GPBP1: variants seen among roughly 807,000 people sequenced by gnomAD.
The protein encoded by GPBP1 is vasculin.
In GPBP1, 13 loss-of-function variants were observed where a neutral mutation model predicts 56.5. That is an observed-to-expected ratio of 0.23 (90% CI 0.15 to 0.37). The LOEUF is 0.37. Ranked by LOEUF, GPBP1 falls within the 10% of genes least tolerant of loss-of-function variation. GPBP1 has a pLI of 1.00. For synonymous variants in GPBP1, 204 were observed against 188.9 expected (o/e 1.08, Z -0.66); for missense variants, 477 against 572.3 (o/e 0.83, Z 1.70).
At chr5:57,188,060 T>A (rs1466669996) in intron 2 of GPBP1, among the ~76,000 whole-genome samples, 1 of 151,800 alleles carries the variant, frequency 6.6e-6, no homozygotes, top group Non-Finnish European at 1.5e-5. Flanking sequence ...CTGGTCAACA[T>A]AGTGAAACCC....
intron 2 of GPBP1, among the ~76,000 whole-genome samples, chr5:57,208,759 C>T (rs375937710): frequency 3.3e-5 from 5 of 150,310 alleles, no homozygotes; most frequent in East Asian, 2.0e-4. Flanking sequence ...TGGGTTCAAG[C>T]GATTCTCCTA....
At chr5:57,188,076 C>G (rs1383342444) in intron 2 of GPBP1, among the ~76,000 whole-genome samples, 3 of 151,834 alleles carry the variant, frequency 2.0e-5, no homozygotes, top group Non-Finnish European at 4.4e-5. Context: ...AACCCCATCT[C>G]TACCAAAAAA....
At chr5:57,249,385 C>T (rs1450834783) in intron 8 of GPBP1, 24 bp from the exon 9 acceptor site, 3 of 1,541,124 alleles carry the variant, frequency 1.9e-6, no homozygotes, top group South Asian at 2.4e-5. Flanking sequence ...ACATATTTAT[C>T]AGTATTTCTG....
intron 3 of GPBP1, among the ~76,000 whole-genome samples, chr5:57,221,589 A>G (rs1755961088): frequency 6.6e-6 from 1 of 152,150 alleles, no homozygotes. Flanking sequence ...AGAAAGTTGG[A>G]GATTTTTTTT....
chr5:57,177,027 C>CA (rs770210834), intron 2 of GPBP1, among the ~76,000 whole-genome samples: 12 of 151,814 alleles, frequency 7.9e-5, no homozygotes, highest in Non-Finnish European at 1.6e-4. Flanking sequence ...TCTTTACTTT[C>CA]AAAAAAAGAG....
In GPBP1 at chr5:57,175,689, GT is replaced by G. The variant is rs1338631844; in HGVS notation, c.-767del. ...TTGGTTCAAACGGATTATATAACTG[GT>G]TACAGTATTTCAGCTGGTGGTAATT... is the stretch of plus-strand genomic sequence containing the variant. On this transcript the variant is annotated 5_prime_UTR_variant, in exon 2 of 12. Transcript: ENST00000506184. 1.5e-5 allele frequency: 6 copies of G among 396,434 alleles called. No homozygotes were observed. The highest frequency in any genetic ancestry group is 2.7e-5 in the Non-Finnish European group (6 of 225,316). The allele number at this position is 396,434 out of a possible 1,614,324, so 24.6% of individuals were successfully genotyped here. A position where few individuals can be genotyped will look rare whatever the true frequency, so the allele number is the denominator to read the frequency against.
chr5:57,213,184 G>C, intron 2 of GPBP1, among the ~76,000 whole-genome samples: 1 of 151,990 alleles, frequency 6.6e-6, no homozygotes. Flanking sequence ...CTCTCAAGTA[G>C]CTGGGATTTA....
At chr5:57,228,545 C>T (rs1333053941) in intron 3 of GPBP1, among the ~76,000 whole-genome samples, 1 of 151,108 alleles carries the variant, frequency 6.6e-6, no homozygotes, top group East Asian at 1.9e-4. Flanking sequence ...GAGGCTGAGG[C>T]AGGAGCATCA....
rs543005934 is a variant in GPBP1, at chr5:57,229,230, C to CAAAAAAAAAA, written c.64-1588_64-1579dup. On this transcript the variant is annotated intron_variant, in intron 3 of 11. Coordinates refer to ENST00000506184, the MANE Select transcript of GPBP1 (RefSeq NM_022913.4). ...TGGGCGACAGAACAAGACTCCATCT[C>CAAAAAAAAAA]AAAAAAAAAAAAAAAAAAAAAAAAA... is the stretch of plus-strand genomic sequence containing the variant. Among the ~76,000 whole-genome samples, 71 of 77,406 alleles carry CAAAAAAAAAA rather than the reference C, an allele frequency of 9.2e-4. 15 individuals are homozygous for CAAAAAAAAAA. Among genetic ancestry groups the CAAAAAAAAAA allele is most frequent in the African/African-American group, 1.5e-3 (30 of 19,858 alleles). 50.8% of individuals were successfully genotyped at this position (77,406 alleles called of 152,430 possible).
intron 3 of GPBP1, among the ~76,000 whole-genome samples, chr5:57,226,284 G>A (rs1756183779): frequency 6.6e-6 from 1 of 152,134 alleles, no homozygotes; most frequent in African/African-American, 2.4e-5. Context: ...ATTACTTATT[G>A]GTGGTTCCCA....
At chr5:57,199,217 G>T (rs148139617) in intron 2 of GPBP1, among the ~76,000 whole-genome samples, 1 of 152,108 alleles carries the variant, frequency 6.6e-6, no homozygotes, top group South Asian at 2.1e-4. Context: ...TAAAACTAGC[G>T]ATATTCTTGT....
intron 2 of GPBP1, among the ~76,000 whole-genome samples, chr5:57,205,755 A>G (rs1169280104): frequency 1.3e-5 from 2 of 151,454 alleles, no homozygotes; most frequent in Non-Finnish European, 2.9e-5. Context: ...TTTTTATTTT[A>G]TTATTTATTT....
chr5:57,212,101 T>C (rs1282503163), intron 2 of GPBP1, among the ~76,000 whole-genome samples: 1 of 151,990 alleles, frequency 6.6e-6, no homozygotes, highest in African/African-American at 2.4e-5. Context: ...CGTGCCCTGC[T>C]AATTTTTGTA....
chr5:57,195,496 T>G (rs1043690076), intron 2 of GPBP1, among the ~76,000 whole-genome samples: 1 of 152,162 alleles, frequency 6.6e-6, no homozygotes, highest in Non-Finnish European at 1.5e-5. Flanking sequence ...AGGAAGTTGA[T>G]TAGCCTGGGA....
At chr5:57,218,439 T>C (rs1158056866) in intron 3 of GPBP1, among the ~76,000 whole-genome samples, 1 of 152,142 alleles carries the variant, frequency 6.6e-6, no homozygotes, top group Non-Finnish European at 1.5e-5. Context: ...GGTGAATAGA[T>C]TGATAATGGT....
chr5:57,235,880 C>T, intron 5 of GPBP1, 86 bp from the exon 6 acceptor site: 1 of 916,784 alleles, frequency 1.1e-6, no homozygotes, highest in Non-Finnish European at 1.8e-6. Context: ...ATATTTGATT[C>T]ATCAGTTACA....
intron 10 of GPBP1, among the ~76,000 whole-genome samples, chr5:57,252,629 G>A (rs1248337263): frequency 1.3e-5 from 2 of 152,130 alleles, no homozygotes; most frequent in Non-Finnish European, 2.9e-5. Context: ...CTGAGCTGAA[G>A]CGATCCTCCC....
intron 6 of GPBP1, among the ~76,000 whole-genome samples, chr5:57,244,273 C>T (rs1046372478): frequency 2.6e-5 from 4 of 152,168 alleles, no homozygotes; most frequent in Non-Finnish European, 4.4e-5. Context: ...ATTTACTTCT[C>T]TAGAACTGTG....
intron 2 of GPBP1, among the ~76,000 whole-genome samples, chr5:57,199,799 T>A (rs1263572013): frequency 6.6e-6 from 1 of 152,118 alleles, no homozygotes; most frequent in South Asian, 2.1e-4. Context: ...CTCATACTGC[T>A]GTGTGCTGTT....
Sources: allele counts gnomAD v4.1 joint callset (sites outside exome capture counted in the v4.1 genomes callset), GRCh38; gene constraint gnomAD v4.1.1; transcripts MANE v1.5; gene names NCBI Gene and HGNC (gene_info 2026-07-23, HGNC 2026-07-21).